The following GRIK2 variants were observed in gnomAD, a reference collection of about 807,000 sequenced individuals.
GRIK2 encodes glutamate ionotropic receptor kainate type subunit 2, also known as glutamate receptor ionotropic, kainate 2.
A neutral mutation model predicts 100.3 loss-of-function variants in GRIK2; 32 were observed. That is an observed-to-expected ratio of 0.32 (90% CI 0.24 to 0.43). GRIK2 has a LOEUF of 0.43. Among genes scored for constraint, GRIK2 ranks in the 20% least tolerant of loss-of-function variants. The probability of loss-of-function intolerance (pLI) is 1.00; values close to 1 mark genes in which losing one functional copy is unlikely to be tolerated. For missense variants in GRIK2, 843 were observed against 1,114.9 expected (o/e 0.76, Z 3.47); for synonymous variants, 417 against 389.4 (o/e 1.07, Z -0.83).
chr6:102,035,754 T>C (rs189261828), intron 15 of GRIK2, among the ~76,000 whole-genome samples, 188 bp downstream of exon 15: 2 of 151,502 alleles, frequency 1.3e-5, no homozygotes, highest in East Asian at 3.9e-4. Context: ...AAGTCAAAAA[T>C]AGGAAAAAAT....
intron 15 of GRIK2, among the ~76,000 whole-genome samples, chr6:102,051,626 T>C (rs575688225): frequency 6.6e-6 from 1 of 152,210 alleles, no homozygotes; most frequent in East Asian, 1.9e-4. Flanking sequence ...AAAGTGAAAA[T>C]ATATGGTCAC....
intron 14 of GRIK2, among the ~76,000 whole-genome samples, chr6:101,954,708 C>G (rs1021077378): frequency 2.6e-5 from 4 of 151,810 alleles, no homozygotes; most frequent in African/African-American, 7.3e-5. Context: ...TTTTTTCTTG[C>G]CTTTATGGCC....
chr6:101,551,755 A>G (rs939081794), intron 2 of GRIK2, among the ~76,000 whole-genome samples: 3 of 152,126 alleles, frequency 2.0e-5, no homozygotes, highest in Non-Finnish European at 4.4e-5. Context: ...CTTTATGCCT[A>G]TATATGTTAA....
intron 2 of GRIK2, among the ~76,000 whole-genome samples, chr6:101,621,618 C>A (rs931562066): frequency 1.3e-5 from 2 of 151,782 alleles, no homozygotes; most frequent in East Asian, 1.9e-4. Context: ...TAAGTCAAGA[C>A]CTCTCTATAC....
intron 4 of GRIK2, among the ~76,000 whole-genome samples, chr6:101,675,428 A>T (rs749303291): frequency 7.2e-5 from 11 of 152,168 alleles, no homozygotes; most frequent in Non-Finnish European, 1.2e-4. Context: ...GTAGTTTTTC[A>T]GGGAAAATAG....
intron 12 of GRIK2, among the ~76,000 whole-genome samples, chr6:101,912,368 A>G (rs1209168256): frequency 1.3e-5 from 2 of 151,500 alleles, no homozygotes; most frequent in Non-Finnish European, 3.0e-5. Flanking sequence ...ACTTAGCATT[A>G]ATAAGTGTGA....
intron 14 of GRIK2, among the ~76,000 whole-genome samples, chr6:101,991,707 T>C (rs1252147448): frequency 6.6e-6 from 1 of 151,462 alleles, no homozygotes; most frequent in Admixed American, 6.6e-5. Context: ...AATTAGACTT[T>C]AGTACTCAGT....
chr6:101,838,371 A>T (rs554293467), intron 10 of GRIK2, among the ~76,000 whole-genome samples: 112 of 152,280 alleles, frequency 7.4e-4, no homozygotes, highest in African/African-American at 2.6e-3. Flanking sequence ...GTGAAAAAAG[A>T]AATCAACCCA....
chr6:101,961,456 C>T (rs1206945176), intron 14 of GRIK2, among the ~76,000 whole-genome samples: 1 of 152,034 alleles, frequency 6.6e-6, no homozygotes, highest in Non-Finnish European at 1.5e-5. Flanking sequence ...CATGCCAACG[C>T]CCCCCACGAA....
intron 14 of GRIK2, among the ~76,000 whole-genome samples, chr6:101,955,576 T>TCTCTCTCTCTCTCTCTCTCTC (rs1791867450): frequency 8.6e-6 from 1 of 116,286 alleles, no homozygotes. Flanking sequence ...GAGCAAGGCC[T>TCTCTCTCTCTCTCTCTCTCTC]TCTCTCTCTC....
chr6:101,425,744 C>T (rs1165766554), intron 2 of GRIK2, among the ~76,000 whole-genome samples: 1 of 152,108 alleles, frequency 6.6e-6, no homozygotes, highest in East Asian at 1.9e-4. Flanking sequence ...CCTTTAAAAT[C>T]TAAATTTCTC....
intron 2 of GRIK2, among the ~76,000 whole-genome samples, chr6:101,455,796 G>A (rs1018552784): frequency 6.6e-6 from 1 of 152,030 alleles, no homozygotes; most frequent in Non-Finnish European, 1.5e-5. Flanking sequence ...AGGTTTAGTA[G>A]GAGAGAAAAT....
chr6:101,854,330 G>T (rs183390075), intron 10 of GRIK2, among the ~76,000 whole-genome samples: 3 of 152,076 alleles, frequency 2.0e-5, no homozygotes, highest in African/African-American at 7.2e-5. Context: ...CACAATCTCG[G>T]CTCACTGCAA....
intron 7 of GRIK2, among the ~76,000 whole-genome samples, chr6:101,693,244 T>A (rs1440375473): frequency 6.6e-6 from 1 of 152,070 alleles, no homozygotes; most frequent in Admixed American, 6.6e-5. Flanking sequence ...TTTTTATAGG[T>A]CAATTTTCAA....
chr6:101,481,939 G>A (rs557130152), intron 2 of GRIK2, among the ~76,000 whole-genome samples: 3 of 152,216 alleles, frequency 2.0e-5, no homozygotes, highest in Admixed American at 6.5e-5. Context: ...TTCCTTCTGC[G>A]TTCATTCTCC....
chr6:101,437,218 CCT>C (rs1365394716), intron 2 of GRIK2, among the ~76,000 whole-genome samples: 1 of 151,986 alleles, frequency 6.6e-6, no homozygotes, highest in Non-Finnish European at 1.5e-5. Flanking sequence ...TGAGAAAAAT[CCT>C]CTGTTTCCAT....
intron 15 of GRIK2, among the ~76,000 whole-genome samples, chr6:102,043,774 A>G (rs1770726433): frequency 1.5e-5 from 1 of 65,744 alleles, no homozygotes; most frequent in Admixed American, 1.5e-4. Flanking sequence ...GTAAATACAT[A>G]GAAGTAAAAT....
At chr6:101,449,944 T>C (rs1770582314) in intron 2 of GRIK2, among the ~76,000 whole-genome samples, 1 of 151,692 alleles carries the variant, frequency 6.6e-6, no homozygotes, top group Non-Finnish European at 1.5e-5. Flanking sequence ...AATTCTCCGA[T>C]TTGGAAAAAG....
At chr6:101,957,911 T>C (rs1021398275) in intron 14 of GRIK2, among the ~76,000 whole-genome samples, 1 of 152,138 alleles carries the variant, frequency 6.6e-6, no homozygotes, top group Non-Finnish European at 1.5e-5. Context: ...ACCAGCACCA[T>C]GCTGTTTTAG....
Sources: gnomAD v4.1 joint callset for allele counts (sites outside exome capture counted in the v4.1 genomes callset) on GRCh38, gnomAD v4.1.1 for gene constraint, MANE v1.5 for transcripts, NCBI Gene and HGNC (gene_info 2026-07-23, HGNC 2026-07-21) for gene names.